AAK1: variants seen among roughly 807,000 people sequenced by gnomAD.
AAK1 encodes the protein AP2 associated kinase 1, also known as AP2-associated protein kinase 1.
AAK1 carries 37 observed loss-of-function variants against 116.0 expected under a neutral mutation model. The ratio of observed to expected loss-of-function variants is 0.32; its 90% CI spans 0.25 to 0.42. The LOEUF is 0.42. AAK1 is among the 10% of genes least tolerant of loss of function. The pLI is 1.00. For missense variants in AAK1, 919 were observed against 1,170.6 expected (o/e 0.79, Z 3.14); for synonymous variants, 458 against 439.9 (o/e 1.04, Z -0.51).
chr2:69,477,526 A>ACGCTGAGGCACAAGATCACACG lies in AAK1; in HGVS notation c.2681-558_2681-537dup, dbSNP rs552899340. On this transcript the variant is annotated intron_variant, in intron 20 of 21. Transcript: ENST00000409085. ...TGAAACAACTCAGAAGCCTCAGGGAACGCTGAGGCACAAGATCACACGCAC... is the reference window on the plus strand; with the variant it reads ...TGAAACAACTCAGAAGCCTCAGGGAACGCTGAGGCACAAGATCACACGCGCTGAGGCACAAGATCACACGCAC... Among the ~76,000 whole-genome samples, 917 of 152,280 alleles carry ACGCTGAGGCACAAGATCACACG rather than the reference A, an allele frequency of 6.0e-3. 5 individuals are homozygous for ACGCTGAGGCACAAGATCACACG. Among genetic ancestry groups the ACGCTGAGGCACAAGATCACACG allele is most frequent in the Middle Eastern group, 0.024 (7 of 294 alleles).
At chr2:69,507,375 G>A (rs751327925) in intron 15 of AAK1, 46 bp downstream of exon 15, 4 of 1,589,536 alleles carry the variant, frequency 2.5e-6, no homozygotes, top group Non-Finnish European at 3.4e-6. Flanking sequence ...TCTTAGCACA[G>A]AGAATCTATA....
chr2:69,631,782 C>T (rs1675187916), intron 2 of AAK1, among the ~76,000 whole-genome samples: 1 of 152,068 alleles, frequency 6.6e-6, no homozygotes, highest in African/African-American at 2.4e-5. Context: ...GGGTTCAAGA[C>T]CAGCCTGGGC....
intron 2 of AAK1, among the ~76,000 whole-genome samples, chr2:69,623,329 T>C (rs1302852518): frequency 2.6e-5 from 4 of 152,148 alleles, no homozygotes; most frequent in Non-Finnish European, 5.9e-5. Context: ...TCTGGACACA[T>C]TACGACTGCC....
intron 8 of AAK1, among the ~76,000 whole-genome samples, chr2:69,528,553 C>T (rs185722561): frequency 1.3e-5 from 2 of 152,264 alleles, no homozygotes; most frequent in East Asian, 3.9e-4. Flanking sequence ...TCCTCTCTTG[C>T]TAGCTGGATC....
chr2:69,599,422 A>G (rs1385449708), intron 2 of AAK1, among the ~76,000 whole-genome samples: 5 of 151,988 alleles, frequency 3.3e-5, no homozygotes, highest in South Asian at 2.1e-4. Context: ...ATACCAAACA[A>G]AATTTCAACT....
rs1466877721 is a variant in AAK1 at position 69,575,003 on chromosome 2, G to A, written c.164-18025C>T. ...ATTCTGTCTTTACAAATAAAAATAC[G>A]TATAGCAAAAAGACTACAAAAAAAA... On this transcript the variant is annotated intron_variant, in intron 2 of 21. Transcript: ENST00000409085. 1.6e-4 allele frequency among the ~76,000 whole-genome samples: 22 copies of A among 135,810 alleles called. No homozygotes were observed. The East Asian group carries it at 2.2e-3, about 14-fold the overall frequency. 89.1% of individuals were successfully genotyped at this position (135,810 alleles called of 152,430 possible).
In AAK1 at chr2:69,459,093, C is replaced by T. The variant is rs1252744703; in HGVS notation, c.*16776G>A. 1 of 152,118 alleles carries T rather than the reference C, an allele frequency of 6.6e-6. No homozygotes were observed. The allele number at this position is 152,118 out of a possible 1,614,324, so 9.4% of individuals were successfully genotyped here. ...AAGTCAAGAATGGTTACCATGTAGC[C>T]ATTTTTACCAGCTATTCTAGAGTCC... On this transcript the variant is annotated 3_prime_UTR_variant, in exon 22 of 22. Coordinates refer to ENST00000409085, the MANE Select transcript of AAK1 (RefSeq NM_014911.5).
At chr2:69,520,496 C>T (rs139583618) in intron 11 of AAK1, among the ~76,000 whole-genome samples, 49 of 151,934 alleles carry the variant, frequency 3.2e-4, no homozygotes, top group African/African-American at 1.1e-3. Flanking sequence ...GTAGCTGGGA[C>T]TACAGGCGCA....
At chr2:69,492,668 G>A (rs1034348495) in intron 17 of AAK1, among the ~76,000 whole-genome samples, 10 of 151,538 alleles carry the variant, frequency 6.6e-5, no homozygotes, top group Admixed American at 1.3e-4. Flanking sequence ...AAGTACAGGC[G>A]CATGCCACCA....
intron 6 of AAK1, chr2:69,531,490 G>A (rs1482987621): frequency 6.7e-6 from 5 of 742,382 alleles, no homozygotes; most frequent in Non-Finnish European, 8.2e-6. Flanking sequence ...CAACATTGTG[G>A]ACATGAGGAG....
intron 2 of AAK1, among the ~76,000 whole-genome samples, chr2:69,639,844 G>A (rs1675624409): frequency 6.6e-6 from 1 of 152,106 alleles, no homozygotes; most frequent in South Asian, 2.1e-4. Flanking sequence ...GACTCACAGA[G>A]AAGAGAGTCC....
chr2:69,607,390 C>T (rs1321644725), intron 2 of AAK1, among the ~76,000 whole-genome samples: 1 of 152,004 alleles, frequency 6.6e-6, no homozygotes, highest in Non-Finnish European at 1.5e-5. Context: ...CATCGTATGG[C>T]CTTGTAAGAA....
intron 2 of AAK1, among the ~76,000 whole-genome samples, chr2:69,572,857 T>C (rs972732816): frequency 6.6e-6 from 1 of 151,934 alleles, no homozygotes; most frequent in African/African-American, 2.4e-5. Flanking sequence ...AGAAACCTAG[T>C]GACTCCAAGG....
chr2:69,575,714 C>A lies in AAK1; in HGVS notation c.164-18736G>T, dbSNP rs184558838. Among the ~76,000 whole-genome samples the A allele has an allele frequency of 4.9e-3, 739 of 152,192 alleles. 4 individuals are homozygous for A. The highest frequency in any genetic ancestry group is 8.7e-3 in the Non-Finnish European group (591 of 68,002). ...AACTCTTAACCTCAGGTGATCCACC[C>A]GCCTTGGCCACCCAAAGTGCTAGGA... On this transcript the variant is annotated intron_variant, in intron 2 of 21. Coordinates refer to ENST00000409085, the MANE Select transcript of AAK1 (RefSeq NM_014911.5).
chr2:69,643,083 A>G lies in AAK1; in HGVS notation c.-43T>C, dbSNP rs1675817978. Reference sequence around the variant, plus strand: ...GCAAAGCAAAATACCGATGGTTTCTAGATTTTTTTTTTTTTTTTTTTTTTT... The same window carrying G: ...GCAAAGCAAAATACCGATGGTTTCTGGATTTTTTTTTTTTTTTTTTTTTTT... On this transcript the variant is annotated 5_prime_UTR_variant, in exon 2 of 22. Transcript: ENST00000409085. 1 of 1,258,450 alleles carries G rather than the reference A, an allele frequency of 7.9e-7. No homozygotes were observed. The highest frequency in any genetic ancestry group is 3.1e-5 in the East Asian group (1 of 32,268). 78.0% of individuals were successfully genotyped at this position (1,258,450 alleles called of 1,614,324 possible). A position where few individuals can be genotyped will look rare whatever the true frequency, so the allele number is the denominator to read the frequency against.
Position 69,468,830 on chromosome 2 carries a change from A to C in AAK1, c.*7039T>G. On this transcript the variant is annotated 3_prime_UTR_variant, in exon 22 of 22. Coordinates refer to ENST00000409085, the MANE Select transcript of AAK1 (RefSeq NM_014911.5). ...TGGAGAGGATGGAAGAACATGTCTA[A>C]CCCATCAAAATTATTTGTTAAAAAG... 4.1e-6 allele frequency: 4 copies of C among 985,410 alleles called. No homozygotes were observed. The highest frequency in any genetic ancestry group is 3.6e-6 in the Non-Finnish European group (3 of 829,934). The allele number at this position is 985,410 out of a possible 1,614,324, so 61.0% of individuals were successfully genotyped here.
chr2:69,568,319 G>A (rs1671959109), intron 2 of AAK1, among the ~76,000 whole-genome samples: 1 of 152,152 alleles, frequency 6.6e-6, no homozygotes, highest in African/African-American at 2.4e-5. Context: ...TAGAAAGATC[G>A]GGTTAAGTAA....
Position 69,471,522 on chromosome 2 carries a change from GTT to G in AAK1, c.*4345_*4346del. On this transcript the variant is annotated 3_prime_UTR_variant, in exon 22 of 22. Transcript: ENST00000409085. ...TTCCATTCTAAATATTCATGTGATAGTTTTTCTGTTCTGCCAGGCAGCCTCTA... is the reference window on the plus strand; with the variant it reads ...TTCCATTCTAAATATTCATGTGATAGTTTCTGTTCTGCCAGGCAGCCTCTA... 1.0e-6 allele frequency: 1 copy of G among 985,384 alleles called. No homozygotes were observed. Among genetic ancestry groups the G allele is most frequent in the Non-Finnish European group, 1.2e-6 (1 of 829,928 alleles). The allele number at this position is 985,384 out of a possible 1,614,324, so 61.0% of individuals were successfully genotyped here. A position where few individuals can be genotyped will look rare whatever the true frequency, so the allele number is the denominator to read the frequency against.
Position 69,589,658 on chromosome 2 carries a change from G to A in AAK1, c.164-32680C>T, listed in dbSNP as rs572095277. 6.1e-5 allele frequency among the ~76,000 whole-genome samples: 9 copies of A among 146,470 alleles called. No homozygotes were observed. In the East Asian group the frequency reaches 1.2e-3, roughly 20 times the overall value. The stretch of plus-strand genomic sequence containing the variant: ...CGGGAGGCGGAGGTTGCAGTGAGCC[G>A]AGATCGCGCCATTGTACTCCAGCCT... On this transcript the variant is annotated intron_variant, in intron 2 of 21. Transcript: ENST00000409085.
Sources: gnomAD v4.1 joint callset for allele counts (sites outside exome capture counted in the v4.1 genomes callset) on GRCh38, gnomAD v4.1.1 for gene constraint, MANE v1.5 for transcripts, NCBI Gene and HGNC (gene_info 2026-07-23, HGNC 2026-07-21) for gene names.